Variants in PCDHA1 observed in about 807,000 individuals in gnomAD.
PCDHA1 encodes the protein protocadherin alpha-1.
In PCDHA1, 42 loss-of-function variants were observed where a neutral mutation model predicts 61.3. The observed-to-expected ratio is 0.69, with a 90% CI of 0.54 to 0.89. The LOEUF (loss-of-function observed/expected upper bound fraction) is 0.89, where lower values mean the gene tolerates loss of function less well. PCDHA1 is among the 40% of genes least tolerant of loss of function. PCDHA1 has a pLI of 0.00. For synonymous variants in PCDHA1, 610 were observed against 553.8 expected (o/e 1.10, Z -1.43); for missense variants, 1,256 against 1,235.3 (o/e 1.02, Z -0.25).
chr5:140,851,653 A>T, intron 1 of PCDHA1: 1 of 911,134 alleles, frequency 1.1e-6, no homozygotes. Context: ...TCAAGAAGAC[A>T]TTCTCCTTTT....
chr5:140,994,412 G>C (rs1412198813), intron 3 of PCDHA1, among the ~76,000 whole-genome samples: 1 of 152,068 alleles, frequency 6.6e-6, no homozygotes, highest in Non-Finnish European at 1.5e-5. Flanking sequence ...ATTTAATACT[G>C]GATATTGAGG....
At chr5:140,788,812 G>A (rs1761497313) in intron 1 of PCDHA1, 128 bp downstream of exon 1, 4 of 1,425,330 alleles carry the variant, frequency 2.8e-6, no homozygotes, top group Non-Finnish European at 3.7e-6. Context: ...TCATACCATT[G>A]AATGTAGATA....
intron 1 of PCDHA1, chr5:140,814,678 C>G (rs1765562759): frequency 6.7e-6 from 1 of 149,848 alleles, no homozygotes; most frequent in African/African-American, 2.6e-5. Context: ...GAGTAATGTG[C>G]TACAACATTA....
intron 1 of PCDHA1, chr5:140,882,132 A>G: frequency 6.8e-7 from 1 of 1,475,878 alleles, no homozygotes; most frequent in Non-Finnish European, 9.1e-7. Flanking sequence ...TTCTTCCTGC[A>G]GAAAATATAG....
rs2150248542 is a variant in PCDHA1 at position 140,835,937 on chromosome 5, C to T, written c.2394+47253C>T. ...TGCACGCGGAGAGCGGCAAGGTGTA[C>T]GCGCTGCAGCCGTTGGACCACGAGG... On this transcript the variant is annotated intron_variant, in intron 1 of 3. Transcript: ENST00000504120. 14 of 1,612,512 alleles carry T rather than the reference C, an allele frequency of 8.7e-6. No homozygotes were observed. The South Asian group carries it at 1.3e-4, about 15-fold the overall frequency.
chr5:140,848,637 A>G, intron 1 of PCDHA1: 1 of 1,593,240 alleles, frequency 6.3e-7, no homozygotes, highest in Non-Finnish European at 8.6e-7. Context: ...CGTGGGCCGC[A>G]TCGCGCAGGA....
Position 140,920,254 on chromosome 5 carries a change from A to G in PCDHA1, c.2395-58695A>G, listed in dbSNP as rs117923328. Reference sequence around the variant, plus strand: ...TATATACCCAACAATACATCGCTATAATAATTATTACTTTATGTAATCTTA... The same window carrying G: ...TATATACCCAACAATACATCGCTATGATAATTATTACTTTATGTAATCTTA... On this transcript the variant is annotated intron_variant, in intron 1 of 3. Transcript: ENST00000504120. Among the ~76,000 whole-genome samples the G allele has an allele frequency of 8.5e-5, 13 of 152,332 alleles. No individual in the cohort carries two copies. In the East Asian group the frequency reaches 2.5e-3, roughly 29 times the overall value.
chr5:140,949,172 A>G (rs574592967), intron 1 of PCDHA1, among the ~76,000 whole-genome samples: 3 of 151,856 alleles, frequency 2.0e-5, no homozygotes, highest in African/African-American at 7.2e-5. Context: ...TCTTTTGGTC[A>G]GAGAACATAC....
At chr5:140,871,482 T>C (rs535779359) in intron 1 of PCDHA1, 1 of 1,595,438 alleles carries the variant, frequency 6.3e-7, no homozygotes. Flanking sequence ...CAGGGTCAAA[T>C]CACCCCGGAC....
chr5:140,932,261 T>C (rs1554208805), intron 1 of PCDHA1, among the ~76,000 whole-genome samples: 1 of 151,922 alleles, frequency 6.6e-6, no homozygotes, highest in East Asian at 1.9e-4. Context: ...CTCTGAGATA[T>C]AAATTTCTAC....
Position 140,848,771 on chromosome 5 carries a change from C to G in PCDHA1, c.2394+60087C>G, listed in dbSNP as rs1184191151. 4.4e-6 allele frequency: 7 copies of G among 1,593,350 alleles called. No homozygotes were observed. In the South Asian group the frequency reaches 6.6e-5, roughly 15 times the overall value. On this transcript the variant is annotated intron_variant, in intron 1 of 3. Coordinates refer to ENST00000504120, the MANE Select transcript of PCDHA1 (RefSeq NM_018900.4). ...TGTTTGTGAATTCTCGGATCGACCG[C>G]GAGGAGCTGTGCGGGCGGAGCGCGG...
rs2093245729 is a variant in PCDHA1 at position 140,942,201 on chromosome 5, G to A, written c.2395-36748G>A. Among the ~76,000 whole-genome samples, 3 of 151,938 alleles carry A rather than the reference G, an allele frequency of 2.0e-5. No individual in the cohort carries two copies. The South Asian group carries it at 6.2e-4, about 32-fold the overall frequency. On this transcript the variant is annotated intron_variant, in intron 1 of 3. Coordinates refer to ENST00000504120, the MANE Select transcript of PCDHA1 (RefSeq NM_018900.4). Reference sequence around the variant, plus strand: ...GACATTTTATTTAAAATACATTTTTGAGCATAAGATATTTAAAATGTGTAG... The same window carrying A: ...GACATTTTATTTAAAATACATTTTTAAGCATAAGATATTTAAAATGTGTAG...
chr5:140,808,219 C>T (rs782019485), intron 1 of PCDHA1: 1 of 1,614,194 alleles, frequency 6.2e-7, no homozygotes, highest in South Asian at 1.1e-5. Flanking sequence ...AAGACAACAA[C>T]GATAATGTCC....
chr5:140,882,189 T>C, intron 1 of PCDHA1: 2 of 1,519,304 alleles, frequency 1.3e-6, no homozygotes, highest in Admixed American at 2.2e-5. Flanking sequence ...TAGGAAGCCA[T>C]AAAAATTGGG....
chr5:140,842,688 C>T (rs2150342065), intron 1 of PCDHA1: 3 of 1,595,284 alleles, frequency 1.9e-6, no homozygotes, highest in Non-Finnish European at 1.7e-6. Flanking sequence ...CCGGCGTTCG[C>T]GCAGCCCGAG....
At chr5:140,805,039 C>A (rs370971814) in intron 1 of PCDHA1, 914 of 1,586,242 alleles carry the variant, frequency 5.8e-4, no homozygotes, top group Non-Finnish European at 7.5e-4. Flanking sequence ...ATAGAGTCAG[C>A]CAAAGTACTT....
At chr5:140,981,223 T>C (rs1472733562) in intron 2 of PCDHA1, among the ~76,000 whole-genome samples, 2 of 152,234 alleles carry the variant, frequency 1.3e-5, no homozygotes, top group Non-Finnish European at 2.9e-5. Context: ...CTTTAGTCAG[T>C]AGTCTAAATT....
intron 1 of PCDHA1, chr5:140,836,833 A>G (rs2150270629): frequency 1.5e-5 from 13 of 887,974 alleles, no homozygotes; most frequent in Non-Finnish European, 2.2e-5. Flanking sequence ...TTTAGTTGAT[A>G]GCTTTATGTA....
At chr5:140,913,394 A>G (rs2076316460) in intron 1 of PCDHA1, among the ~76,000 whole-genome samples, 1 of 152,204 alleles carries the variant, frequency 6.6e-6, no homozygotes, top group Non-Finnish European at 1.5e-5. Flanking sequence ...CATAGCCACT[A>G]ATGATCCTTT....
Sources: allele counts gnomAD v4.1 joint callset (sites outside exome capture counted in the v4.1 genomes callset), GRCh38; gene constraint gnomAD v4.1.1; transcripts MANE v1.5; gene names NCBI Gene and HGNC (gene_info 2026-07-23, HGNC 2026-07-21).